Variants in MMS22L observed in about 807,000 individuals in gnomAD.
The protein encoded by MMS22L is MMS22 like, DNA repair protein.
In MMS22L, 74 loss-of-function variants were observed where a neutral mutation model predicts 159.1. The observed-to-expected ratio is 0.47, with a 90% confidence interval of 0.39 to 0.56. MMS22L has a LOEUF of 0.56. Ranked by LOEUF, MMS22L falls within the 20% of genes least tolerant of loss-of-function variation. MMS22L has a pLI of 0.00. For synonymous variants in MMS22L, 517 were observed against 506.9 expected, an observed-to-expected ratio of 1.02 and a Z score of -0.27; for missense variants, 1,351 against 1,422.1, an observed-to-expected ratio of 0.95 and a Z score of 0.80.
intron 19 of MMS22L, among the ~76,000 whole-genome samples, chr6:97,170,176 G>A (rs1562412577): frequency 6.6e-6 from 1 of 152,140 alleles, no homozygotes. Flanking sequence ...GCGGTTTCAG[G>A]CATCCACTAG....
chr6:97,178,389 T>C lies in MMS22L; in HGVS notation c.2679+54A>G. The C allele has an allele frequency of 2.2e-6, 3 of 1,342,642 alleles. No individual in the cohort carries two copies. The Admixed American group carries it at 7.4e-5, about 33-fold the overall frequency. 83.2% of individuals were successfully genotyped at this position (1,342,642 alleles called of 1,614,324 possible). ...AAACTTTAAGAATACTTCAGGTTTT[T>C]CTGAAAATTAATTGTAATTAATCTG... On this transcript the variant is annotated intron_variant, in intron 18 of 24. Coordinates refer to ENST00000683635, the MANE Select transcript of MMS22L (RefSeq NM_001350599.2).
At position 97,173,214 on chromosome 6, in the gene MMS22L, A is replaced by G; in HGVS notation, c.2688T>C (p.Gly896=). Reference sequence around the variant, plus strand: ...GTGTCTGGACGTTCCCGTAAGTTACACCAACAGCCTATAAATAAAGAAAAA... The same window carrying G: ...GTGTCTGGACGTTCCCGTAAGTTACGCCAACAGCCTATAAATAAAGAAAAA... ...KALVRFFEAV[G]VTYGNVQTLS... is the part of the protein sequence containing the mutation. Residue 896 remains glycine, a synonymous_variant, in exon 19 of 25, where the codon GGT becomes GGC. Transcript: ENST00000683635. 6.2e-7 allele frequency: 1 copy of G among 1,611,288 alleles called. No homozygotes were observed. Among genetic ancestry groups the G allele is most frequent in the Non-Finnish European group, 8.5e-7 (1 of 1,179,322 alleles).
At chr6:97,267,830 A>G (rs368530964) in intron 8 of MMS22L, 42 bp downstream of exon 8, 13 of 1,520,156 alleles carry the variant, frequency 8.6e-6, no homozygotes, top group Non-Finnish European at 1.1e-5. Context: ...AGGACTGAAT[A>G]CTGTCTTTAA....
At chr6:97,253,514 G>C (rs565642046) in intron 10 of MMS22L, 1 of 147,506 alleles carries the variant, frequency 6.8e-6, no homozygotes, top group African/African-American at 2.5e-5. Flanking sequence ...AGTCTGGAGT[G>C]CAGTGGTGTG....
rs984731971 is a variant in MMS22L at position 97,274,515 on chromosome 6, C to G, written c.341-1453G>C. On this transcript the variant is annotated intron_variant, in intron 4 of 24. Coordinates refer to ENST00000683635, the MANE Select transcript of MMS22L (RefSeq NM_001350599.2). ...ATTACGTCAAGCAAGTTTTCAGGCT[C>G]TGGACACAAGACAATATAAGATTGC... Among the ~76,000 whole-genome samples the G allele has an allele frequency of 1.2e-4, 19 of 152,222 alleles. 1 individual carries two copies. The highest frequency in any genetic ancestry group is 2.5e-4 in the Non-Finnish European group (17 of 68,012).
rs1582867483 is a variant in MMS22L, at chr6:97,273,197, G to A, written c.341-135C>T. The A allele has an allele frequency of 7.0e-6, 5 of 712,010 alleles. No homozygotes were observed. The East Asian group carries it at 1.3e-4, about 19-fold the overall frequency. 44.1% of individuals were successfully genotyped at this position (712,010 alleles called of 1,614,324 possible). The stretch of plus-strand genomic sequence containing the variant: ...TATTAAACATTCTCTTATGGTTCTT[G>A]CTCCCCGCTACTCCTCAAAAAATGC... On this transcript the variant is annotated intron_variant, in intron 4 of 24. Transcript: ENST00000683635.
chr6:97,266,135 T>G (rs1321012510), intron 8 of MMS22L: 1 of 152,190 alleles, frequency 6.6e-6, no homozygotes, highest in Non-Finnish European at 1.5e-5. Flanking sequence ...CTCAAACCTG[T>G]TATAATGGCT....
At position 97,226,358 on chromosome 6, in the gene MMS22L, G is replaced by T. The variant is rs184873109; in HGVS notation, c.2039+2536C>A. ...GCCTGTAATCCCAGCATTTTGGGAG[G>T]CCGAGGCGGGTGGATCACCTGAGGT... On this transcript the variant is annotated intron_variant, in intron 14 of 24. Transcript: ENST00000683635. 3.3e-4 allele frequency among the ~76,000 whole-genome samples: 50 copies of T among 152,310 alleles called. No homozygotes were observed. The South Asian group carries it at 3.3e-3, about 10-fold the overall frequency.
chr6:97,147,089 T>C (rs1303166782), intron 24 of MMS22L, among the ~76,000 whole-genome samples: 1 of 152,150 alleles, frequency 6.6e-6, no homozygotes, highest in Non-Finnish European at 1.5e-5. Flanking sequence ...TATTAAAGTA[T>C]GATTTTTATA....
At chr6:97,215,815 T>G (rs1460198707) in intron 14 of MMS22L, among the ~76,000 whole-genome samples, 1 of 152,140 alleles carries the variant, frequency 6.6e-6, no homozygotes, top group Non-Finnish European at 1.5e-5. Context: ...TGAATTCCCT[T>G]AAACCCCCCT....
intron 14 of MMS22L, among the ~76,000 whole-genome samples, chr6:97,224,462 T>C (rs947878455): frequency 6.6e-6 from 1 of 151,670 alleles, no homozygotes; most frequent in East Asian, 1.9e-4. Flanking sequence ...ATTTAGAGGG[T>C]TGGAATAGTA....
At chr6:97,165,103 T>C in intron 21 of MMS22L, 143 bp downstream of exon 21, 3 of 653,566 alleles carry the variant, frequency 4.6e-6, no homozygotes, top group Non-Finnish European at 2.6e-6. Context: ...TAATAAAATC[T>C]TAGATAATGC....
At position 97,281,327 on chromosome 6, in the gene MMS22L, A is replaced by G. The variant is rs1816737531; in HGVS notation, c.200T>C (p.Phe67Ser). The G allele has an allele frequency of 1.9e-6, 3 of 1,608,628 alleles. No homozygotes were observed. Among genetic ancestry groups the G allele is most frequent in the South Asian group, 2.2e-5 (2 of 90,302 alleles). Residue 67 changes from phenylalanine to serine, a missense_variant, in exon 3 of 25, where the codon TTT (phenylalanine) becomes TCT (serine). By Grantham distance (155) the Phe-to-Ser change is radical (BLOSUM62 -2). Coordinates refer to ENST00000683635, the MANE Select transcript of MMS22L (RefSeq NM_001350599.2). ...AAATATTTCCAAGGTATCTTCTTCA[A>G]AATTAGTTGGTAAAGGGTCAAGATT... ...ILNLDPLPTN[F>S]EEDTLEIFGI...
At chr6:97,234,932 AT>A (rs1325468578) in intron 11 of MMS22L, among the ~76,000 whole-genome samples, 1 of 152,228 alleles carries the variant, frequency 6.6e-6, no homozygotes, top group African/African-American at 2.4e-5. Flanking sequence ...GCTTGGTATT[AT>A]AAAATTCTAG....
Position 97,282,502 on chromosome 6 carries a change from T to C in MMS22L, c.-25A>G, listed in dbSNP as rs149648199. On this transcript the variant is annotated 5_prime_UTR_variant, in exon 2 of 25. Coordinates refer to ENST00000683635, the MANE Select transcript of MMS22L (RefSeq NM_001350599.2). ...TTGTTTACTTCATGTTCTGAAACAC[T>C]TGGGGTTCGTCGTATCATTAAGGGC... 85 of 1,492,704 alleles carry C rather than the reference T, an allele frequency of 5.7e-5. No individual in the cohort carries two copies. Among genetic ancestry groups the C allele is most frequent in the Middle Eastern group, 3.7e-4 (2 of 5,478 alleles). 92.5% of individuals were successfully genotyped at this position (1,492,704 alleles called of 1,614,324 possible).
At chr6:97,254,530 G>A (rs551085635) in intron 10 of MMS22L, 27 bp downstream of exon 10, 1 of 1,590,192 alleles carries the variant, frequency 6.3e-7, no homozygotes, top group South Asian at 1.1e-5. Context: ...GACAATATAA[G>A]AAAGTTTTTA....
intron 14 of MMS22L, among the ~76,000 whole-genome samples, chr6:97,219,536 C>T (rs576815152): frequency 6.6e-6 from 1 of 152,270 alleles, no homozygotes; most frequent in African/African-American, 2.4e-5. Context: ...ATAGCTAGTG[C>T]TACCCTACTG....
intron 14 of MMS22L, among the ~76,000 whole-genome samples, chr6:97,206,624 T>C (rs1450979916): frequency 2.0e-5 from 3 of 152,084 alleles, no homozygotes; most frequent in Admixed American, 6.6e-5. Flanking sequence ...AATATACCTA[T>C]CAAAAGTACA....
At chr6:97,281,424 T>C in intron 2 of MMS22L, 62 bp from the exon 3 acceptor site, 2 of 1,347,784 alleles carry the variant, frequency 1.5e-6, no homozygotes, top group South Asian at 2.8e-5. Flanking sequence ...ACGACGGCTC[T>C]TTTCTTTACA....
Sources: gnomAD v4.1 joint callset for allele counts (sites outside exome capture counted in the v4.1 genomes callset) on GRCh38, gnomAD v4.1.1 for gene constraint, MANE v1.5 for transcripts, NCBI Gene and HGNC (gene_info 2026-07-23, HGNC 2026-07-21) for gene names.